The following CRISPLD2 variants were observed in gnomAD, a reference collection of about 807,000 sequenced individuals.
CRISPLD2 encodes cysteine-rich secretory protein LCCL domain-containing 2.
In CRISPLD2, 47 loss-of-function variants were observed where a neutral mutation model predicts 71.1. The ratio of observed to expected loss-of-function variants is 0.66; its 90% CI spans 0.52 to 0.84. The LOEUF (loss-of-function observed/expected upper bound fraction) is 0.84, where lower values mean the gene tolerates loss of function less well. Ranked by LOEUF, CRISPLD2 falls within the 40% of genes least tolerant of loss-of-function variation. The pLI is 0.00. For synonymous variants in CRISPLD2, 317 were observed against 250.1 expected (o/e 1.27, Z -2.52); for missense variants, 830 against 651.1 (o/e 1.27, Z -2.99).
chr16:84,838,359 A>C, intron 1 of CRISPLD2, 63 bp from the exon 2 acceptor site: 2 of 1,033,726 alleles, frequency 1.9e-6, no homozygotes, highest in Non-Finnish European at 1.4e-6. Flanking sequence ...TCGCTGCTCC[A>C]GCCAGCGCTG....
chr16:84,902,772 C>CTTTTTTTTT (rs757030374), intron 14 of CRISPLD2, among the ~76,000 whole-genome samples: 16 of 85,960 alleles, frequency 1.9e-4, no homozygotes, highest in South Asian at 5.1e-4. Context: ...CGGCCCATTG[C>CTTTTTTTTT]TTTTTTTTTT....
chr16:84,909,152 A>C lies in CRISPLD2; in HGVS notation c.*2510A>C, dbSNP rs902547431. On this transcript the variant is annotated 3_prime_UTR_variant, in exon 15 of 15. Transcript: ENST00000262424. The stretch of plus-strand genomic sequence containing the variant: ...TGCTACCAACACTTACCCTGTGTTT[A>C]AAAAGATCTTGTACCAAGCCAACGG... 6.6e-6 allele frequency: 1 copy of C among 152,620 alleles called. No homozygotes were observed. Among genetic ancestry groups the C allele is most frequent in the South Asian group, 2.1e-4 (1 of 4,834 alleles). The allele number at this position is 152,620 out of a possible 1,614,324, so 9.5% of individuals were successfully genotyped here.
At chr16:84,831,766 G>T (rs529507251) in intron 1 of CRISPLD2, among the ~76,000 whole-genome samples, 17 of 151,918 alleles carry the variant, frequency 1.1e-4, no homozygotes, top group Non-Finnish European at 1.9e-4. Flanking sequence ...TTTGAGTCTT[G>T]CCGTGTCACC....
At chr16:84,825,036 G>A (rs574322965) in intron 1 of CRISPLD2, among the ~76,000 whole-genome samples, 89 of 152,156 alleles carry the variant, frequency 5.8e-4, no homozygotes, top group Middle Eastern at 3.4e-3. Context: ...CCCGGGAGGC[G>A]GAGGTTGCAG....
intron 6 of CRISPLD2, among the ~76,000 whole-genome samples, chr16:84,859,068 T>C (rs1429285039): frequency 6.6e-6 from 1 of 152,198 alleles, no homozygotes; most frequent in Non-Finnish European, 1.5e-5. Context: ...AGGGATGCGA[T>C]ATTGTTTTTG....
At chr16:84,828,196 C>G (rs775266394) in intron 1 of CRISPLD2, 1 of 152,244 alleles carries the variant, frequency 6.6e-6, no homozygotes, top group Non-Finnish European at 1.5e-5. Context: ...GAGACTGGCC[C>G]GGGCTGCCAG....
chr16:84,834,458 C>G (rs1263796214), intron 1 of CRISPLD2, among the ~76,000 whole-genome samples: 1 of 152,214 alleles, frequency 6.6e-6, no homozygotes, highest in Non-Finnish European at 1.5e-5. Context: ...GGGCACTGCC[C>G]CTGTGAACTG....
chr16:84,889,445 C>G (rs2071642111), intron 14 of CRISPLD2, 82 bp downstream of exon 14: 1 of 1,404,586 alleles, frequency 7.1e-7, no homozygotes, highest in Non-Finnish European at 9.5e-7. Context: ...GGCCCAGAGT[C>G]ATTACCCTTT....
Position 84,822,070 on chromosome 16 carries a change from G to A in CRISPLD2, c.-75+1937G>A, listed in dbSNP as rs945634514. Among the ~76,000 whole-genome samples the A allele has an allele frequency of 3.3e-5, 5 of 152,340 alleles. No homozygotes were observed. In the South Asian group the frequency reaches 8.3e-4, roughly 25 times the overall value. The stretch of plus-strand genomic sequence containing the variant: ...TGCTAGTTGAGGCTTTCTGTGCCAT[G>A]TGGGAGTTTTTTTAACGTTGGCAGG... On this transcript the variant is annotated intron_variant, in intron 1 of 14. Coordinates refer to ENST00000262424, the MANE Select transcript of CRISPLD2 (RefSeq NM_031476.4).
rs199977606 is a variant in CRISPLD2 at position 84,849,444 on chromosome 16, A to G, written c.419A>G (p.Tyr140Cys). 6.2e-7 allele frequency: 1 copy of G among 1,613,910 alleles called. No homozygotes were observed. The highest frequency in any genetic ancestry group is 1.3e-5 in the African/African-American group (1 of 74,974). Residue 140 changes from tyrosine (Y) to cysteine (C), a missense_variant, in exon 4 of 15, where the codon TAC becomes TGC. Tyr to Cys is a radical substitution (Grantham distance 194). Coordinates refer to ENST00000262424, the MANE Select transcript of CRISPLD2 (RefSeq NM_031476.4). The part of the protein sequence containing the change: ...SWYDEVKDYT[Y>C]PYPSECNPWC... The stretch of plus-strand genomic sequence containing the variant: ...TATGACGAGGTGAAGGACTACACCT[A>G]CCCCTACCCGAGCGAGTGCAACCCC...
At chr16:84,830,739 A>G (rs959010821) in intron 1 of CRISPLD2, among the ~76,000 whole-genome samples, 7 of 152,050 alleles carry the variant, frequency 4.6e-5, no homozygotes, top group Non-Finnish European at 2.9e-5. Flanking sequence ...TTTAAAAAGA[A>G]GGTAATAAAT....
intron 13 of CRISPLD2, among the ~76,000 whole-genome samples, chr16:84,887,647 C>T (rs573411689): frequency 6.6e-6 from 1 of 152,170 alleles, no homozygotes; most frequent in Non-Finnish European, 1.5e-5. Flanking sequence ...GAGGCCGAGG[C>T]GTGTGGATCA....
intron 6 of CRISPLD2, among the ~76,000 whole-genome samples, chr16:84,863,957 C>CAAAAAAAAAAA (rs781013604): frequency 1.2e-5 from 1 of 80,826 alleles, no homozygotes; most frequent in African/African-American, 4.3e-5. Context: ...AACTTCCTCT[C>CAAAAAAAAAAA]AAAAAAAAAA....
chr16:84,880,261 A>G (rs8058326), intron 12 of CRISPLD2, among the ~76,000 whole-genome samples: 3,174 of 152,160 alleles, frequency 0.021, 111 homozygotes, highest in African/African-American at 0.074. Context: ...TTGTTTGTGC[A>G]TGTCTTTTGT....
At chr16:84,877,318 C>G in intron 11 of CRISPLD2, 120 bp from the exon 12 acceptor site, 5 of 832,892 alleles carry the variant, frequency 6.0e-6, no homozygotes, top group South Asian at 4.9e-5. Context: ...AGTCCCAGCT[C>G]TATTCAAGGG....
chr16:84,869,124 T>C (rs1306892960), intron 8 of CRISPLD2, among the ~76,000 whole-genome samples: 1 of 152,248 alleles, frequency 6.6e-6, no homozygotes, highest in African/African-American at 2.4e-5. Flanking sequence ...CTGCAGGATC[T>C]GAGCAGGCTG....
chr16:84,861,070 C>T (rs565380286), intron 6 of CRISPLD2, among the ~76,000 whole-genome samples: 9 of 152,278 alleles, frequency 5.9e-5, no homozygotes, highest in East Asian at 3.9e-4. Context: ...CTCTCAGGAG[C>T]GCTGAATCAG....
intron 6 of CRISPLD2, among the ~76,000 whole-genome samples, chr16:84,859,276 A>T (rs1364917975): frequency 6.6e-6 from 1 of 152,128 alleles, no homozygotes; most frequent in African/African-American, 2.4e-5. Flanking sequence ...GCCAGACCTG[A>T]GCTAAAACTC....
chr16:84,822,574 A>T (rs1916255403), intron 1 of CRISPLD2, among the ~76,000 whole-genome samples: 1 of 152,088 alleles, frequency 6.6e-6, no homozygotes, highest in Non-Finnish European at 1.5e-5. Context: ...TTCTTTTGCA[A>T]ACGCACTGGT....
Sources: allele counts gnomAD v4.1 joint callset (sites outside exome capture counted in the v4.1 genomes callset), GRCh38; gene constraint gnomAD v4.1.1; transcripts MANE v1.5; gene names NCBI Gene and HGNC (gene_info 2026-07-23, HGNC 2026-07-21).